Variants in MFAP5 observed in about 807,000 individuals in gnomAD.
MFAP5 encodes microfibril associated protein 5, also known as microfibrillar-associated protein 5.
MFAP5 carries 19 observed loss-of-function variants against 30.1 expected under a neutral mutation model. The observed-to-expected ratio is 0.63, with a 90% CI of 0.44 to 0.93. The LOEUF (loss-of-function observed/expected upper bound fraction) is 0.93, where lower values mean the gene tolerates loss of function less well. Ranked by LOEUF, MFAP5 falls within the 40% of genes least tolerant of loss-of-function variation. MFAP5 has a pLI of 0.00. For synonymous variants in MFAP5, 92 were observed against 72.9 expected (o/e 1.26, Z -1.33); for missense variants, 210 against 221.3 (o/e 0.95, Z 0.32).
chr12:8,655,273 G>A (rs1258496225), intron 5 of MFAP5, 142 bp downstream of exon 5: 1 of 842,754 alleles, frequency 1.2e-6, no homozygotes, highest in Non-Finnish European at 1.8e-6. Flanking sequence ...GCAACAGAAT[G>A]AGACTCCCTC....
intron 9 of MFAP5, among the ~76,000 whole-genome samples, chr12:8,649,073 C>A (rs1470229439): frequency 6.6e-6 from 1 of 152,222 alleles, no homozygotes; most frequent in African/African-American, 2.4e-5. Context: ...TAGGCCCTAT[C>A]CAAACCTTAC....
chr12:8,655,764 A>G (rs1306724286), intron 4 of MFAP5, 22 bp downstream of exon 4: 2 of 1,604,764 alleles, frequency 1.2e-6, no homozygotes, highest in South Asian at 1.1e-5. Flanking sequence ...CAAACAAACA[A>G]ACAAACAAAA....
In MFAP5 at chr12:8,660,880, A is replaced by AC. The variant is rs976326448; in HGVS notation, c.76dup (p.Val26GlyfsTer3). Reference sequence around the variant, plus strand: ...TCACCTACCTCCTCGTTGACTATTGACCCCCAGGGGTATCCAGTCTATAGC... The same window carrying AC: ...TCACCTACCTCCTCGTTGACTATTGACCCCCCAGGGGTATCCAGTCTATAGC... On this transcript the variant is annotated frameshift_variant, in exon 3 of 10. Transcript: ENST00000359478. LOFTEE classifies it high-confidence loss of function. 6.2e-7 allele frequency: 1 copy of AC among 1,612,394 alleles called. No individual in the cohort carries two copies. Among genetic ancestry groups the AC allele is most frequent in the East Asian group, 2.2e-5 (1 of 44,836 alleles).
chr12:8,653,192 C>CAAA (rs71451973), intron 6 of MFAP5, among the ~76,000 whole-genome samples: 8 of 111,014 alleles, frequency 7.2e-5, no homozygotes, highest in Non-Finnish European at 1.1e-4. Flanking sequence ...GACTCTGTGT[C>CAAA]AAAAAAAAAA....
chr12:8,655,457 C>T lies in MFAP5; in HGVS notation c.140-10G>A. On this transcript the variant is annotated splice_polypyrimidine_tract_variant and intron_variant, in intron 4 of 9. Transcript: ENST00000359478. ...GGATCATTCACCAGATCTGCAAAGA[C>T]ACATAACAAGGAATGAAAAAATGCA... 1 of 1,603,462 alleles carries T rather than the reference C, an allele frequency of 6.2e-7. No homozygotes were observed. Among genetic ancestry groups the T allele is most frequent in the Non-Finnish European group, 8.5e-7 (1 of 1,175,964 alleles).
intron 3 of MFAP5, among the ~76,000 whole-genome samples, chr12:8,657,198 A>G (rs1162786654): frequency 6.6e-6 from 1 of 152,094 alleles, no homozygotes; most frequent in Non-Finnish European, 1.5e-5. Context: ...CTGTTTTGTT[A>G]TTTTGCTTTT....
chr12:8,656,305 C>T (rs769258017), intron 3 of MFAP5, among the ~76,000 whole-genome samples: 17 of 152,082 alleles, frequency 1.1e-4, no homozygotes, highest in African/African-American at 3.9e-4. Flanking sequence ...CCCTCGGCCT[C>T]CCAAAGTGCT....
intron 6 of MFAP5, chr12:8,654,126 CA>C (rs61055144): frequency 0.086 from 9,715 of 113,414 alleles, 12 homozygotes; most frequent in Middle Eastern, 0.14. Flanking sequence ...TAATCCGTCT[CA>C]AAAAAAAAAA....
chr12:8,659,074 C>T (rs938122376), intron 3 of MFAP5, among the ~76,000 whole-genome samples: 5 of 150,604 alleles, frequency 3.3e-5, no homozygotes, highest in South Asian at 2.1e-4. Context: ...TTTGGGAGGC[C>T]GAGGCCTGCA....
chr12:8,656,649 C>CATATATATATAT, intron 3 of MFAP5, among the ~76,000 whole-genome samples: 1 of 109,068 alleles, frequency 9.2e-6, no homozygotes, highest in South Asian at 2.9e-4. Context: ...CACACACACA[C>CATATATATATAT]ATATATATAT....
At chr12:8,651,146 G>C (rs1295452557) in intron 7 of MFAP5, among the ~76,000 whole-genome samples, 2 of 152,040 alleles carry the variant, frequency 1.3e-5, no homozygotes, top group East Asian at 3.9e-4. Flanking sequence ...CAGCCTGGGT[G>C]ACAGAGTGAG....
chr12:8,651,453 A>T (rs1204372010), intron 7 of MFAP5, among the ~76,000 whole-genome samples: 1 of 152,158 alleles, frequency 6.6e-6, no homozygotes, highest in Non-Finnish European at 1.5e-5. Context: ...GGGACCATGC[A>T]ACATTTGTTC....
Position 8,649,545 on chromosome 12 carries a change from TC to T in MFAP5, c.364del (p.Glu122ArgfsTer14), listed in dbSNP as rs1425640131. 1.2e-6 allele frequency: 2 copies of T among 1,614,078 alleles called. No individual in the cohort carries two copies. Among genetic ancestry groups the T allele is most frequent in the Admixed American group, 3.3e-5 (2 of 60,012 alleles). On this transcript the variant is annotated frameshift_variant, in exon 9 of 10. Transcript: ENST00000359478. LOFTEE classifies it high-confidence loss of function. ...SLRRMYIVNKEICSRLVCKEH... is the reference protein window; with the variant it reads ...SLRRMYIVNKXICSRLVCKEH... The stretch of plus-strand genomic sequence containing the variant: ...CTTACAGACAAGACGAGAGCAGATC[TC>T]CTTGTTGACGATGTACATACGTCGT...
rs2136456115 is a variant in MFAP5, at chr12:8,647,249, A to C, written c.*842T>G. 6.6e-6 allele frequency: 1 copy of C among 152,364 alleles called. No individual in the cohort carries two copies. The highest frequency in any genetic ancestry group is 2.1e-4 in the South Asian group (1 of 4,834). 9.4% of individuals were successfully genotyped at this position (152,364 alleles called of 1,614,324 possible). A position where few individuals can be genotyped will look rare whatever the true frequency, so the allele number is the denominator to read the frequency against. ...CGAAGTAGCAACTCAAGGAAACGTC[A>C]ACCAATGGTATGATTTCACATTAAG... is the stretch of plus-strand genomic sequence containing the variant. On this transcript the variant is annotated 3_prime_UTR_variant, in exon 10 of 10. Transcript: ENST00000359478.
At chr12:8,656,668 A>ATATTTT (rs1174790172) in intron 3 of MFAP5, among the ~76,000 whole-genome samples, 107 of 118,734 alleles carry the variant, frequency 9.0e-4, no homozygotes, top group African/African-American at 3.5e-3. Context: ...ATATATATAT[A>ATATTTT]TTTTTTTTTT....
At chr12:8,659,538 T>G (rs1043983933) in intron 3 of MFAP5, among the ~76,000 whole-genome samples, 1 of 152,132 alleles carries the variant, frequency 6.6e-6, no homozygotes, top group African/African-American at 2.4e-5. Context: ...GAATTCCGAT[T>G]TTCAGTTTTG....
chr12:8,654,184 C>A (rs1941919272), intron 6 of MFAP5: 1 of 403,336 alleles, frequency 2.5e-6, no homozygotes, highest in South Asian at 6.2e-5. Context: ...CTTTATCCTC[C>A]AAAACGTGTT....
In MFAP5 at chr12:8,662,035, T is replaced by C; in HGVS notation, c.58+12A>G. On this transcript the variant is annotated intron_variant, in intron 2 of 9. Coordinates refer to ENST00000359478, the MANE Select transcript of MFAP5 (RefSeq NM_003480.4). ...AGCTGAGGGTTTAGGGAGCAAAGAATAAAGGACTCACCAGAGGTGATGATG... is the reference window on the plus strand; with the variant it reads ...AGCTGAGGGTTTAGGGAGCAAAGAACAAAGGACTCACCAGAGGTGATGATG... 6.2e-7 allele frequency: 1 copy of C among 1,613,138 alleles called. No individual in the cohort carries two copies. Among genetic ancestry groups the C allele is most frequent in the Non-Finnish European group, 8.5e-7 (1 of 1,179,536 alleles).
chr12:8,649,786 A>T (rs1313516243), intron 8 of MFAP5, among the ~76,000 whole-genome samples: 1 of 152,142 alleles, frequency 6.6e-6, no homozygotes, highest in East Asian at 1.9e-4. Flanking sequence ...TCTGTTTTTT[A>T]AATTTTATTT....
Sources: gnomAD v4.1 joint callset for allele counts (sites outside exome capture counted in the v4.1 genomes callset) on GRCh38, gnomAD v4.1.1 for gene constraint, MANE v1.5 for transcripts, NCBI Gene and HGNC (gene_info 2026-07-23, HGNC 2026-07-21) for gene names.